Variants in PTPRA observed in about 807,000 individuals in gnomAD.
The protein encoded by PTPRA is receptor-type tyrosine-protein phosphatase alpha.
PTPRA carries 25 observed loss-of-function variants against 104.8 expected under a neutral mutation model. The ratio of observed to expected loss-of-function variants is 0.24; its 90% CI spans 0.17 to 0.33. The LOEUF (loss-of-function observed/expected upper bound fraction) is 0.33, where lower values mean the gene tolerates loss of function less well. PTPRA is among the 10% of genes least tolerant of loss of function. The pLI is 1.00. For synonymous variants in PTPRA, 323 were observed against 368.9 expected (o/e 0.88, Z 1.43); for missense variants, 765 against 1,015.3 (o/e 0.75, Z 3.35).
At chr20:2,904,334 T>C (rs1485158191) in intron 1 of PTPRA, among the ~76,000 whole-genome samples, 1 of 152,052 alleles carries the variant, frequency 6.6e-6, no homozygotes, top group Non-Finnish European at 1.5e-5. Context: ...GCAAGACTAA[T>C]TTGAAGAAAA....
chr20:2,902,351 A>C (rs528608192), intron 1 of PTPRA, among the ~76,000 whole-genome samples: 2 of 152,274 alleles, frequency 1.3e-5, no homozygotes, highest in African/African-American at 4.8e-5. Context: ...AATTATTCTG[A>C]AGCTTGCTTT....
At chr20:2,927,582 T>G (rs2060348049) in intron 2 of PTPRA, among the ~76,000 whole-genome samples, 2 of 152,214 alleles carry the variant, frequency 1.3e-5, no homozygotes, top group Admixed American at 1.3e-4. Context: ...CCGAGACCAG[T>G]GGGCACTGTT....
intron 1 of PTPRA, among the ~76,000 whole-genome samples, chr20:2,880,445 T>TG (rs1297712302): frequency 1.3e-5 from 2 of 152,176 alleles, no homozygotes; most frequent in Non-Finnish European, 2.9e-5. Flanking sequence ...CTCCATGTAT[T>TG]GCAACATGTT....
At chr20:3,000,858 A>G (rs1039544704) in intron 9 of PTPRA, among the ~76,000 whole-genome samples, 3 of 152,240 alleles carry the variant, frequency 2.0e-5, no homozygotes, top group African/African-American at 7.2e-5. Context: ...AAATAAAGGA[A>G]TGTAATGATA....
intron 9 of PTPRA, among the ~76,000 whole-genome samples, chr20:3,003,607 T>C (rs1004434596): frequency 2.0e-5 from 3 of 152,014 alleles, no homozygotes; most frequent in African/African-American, 7.3e-5. Flanking sequence ...TGCAGTGGTA[T>C]AATCATGGCC....
chr20:2,926,709 CT>C (rs1235128405), intron 2 of PTPRA, among the ~76,000 whole-genome samples: 16 of 149,600 alleles, frequency 1.1e-4, no homozygotes, highest in Admixed American at 2.7e-4. Flanking sequence ...CTTCAACCTC[CT>C]TTTTTTAGGT....
chr20:2,964,979 A>G lies in PTPRA; in HGVS notation c.192A>G (p.Thr64=), dbSNP rs753966505. The G allele has an allele frequency of 2.0e-5, 32 of 1,613,958 alleles. No homozygotes were observed. Among genetic ancestry groups the G allele is most frequent in the South Asian group, 3.3e-5 (3 of 91,088 alleles). Residue 64 remains threonine (T), a synonymous_variant, in exon 5 of 24, where the codon ACA becomes ACG. Coordinates refer to ENST00000399903, the MANE Select transcript of PTPRA (RefSeq NM_001385305.1). ...SSLTSLSVAP[T]FSPNITLGPT... ...TAACTTCTCTTTCTGTGGCACCAAC[A>G]TTCAGCCCAAATATAACTCTGGGAC... is the stretch of plus-strand genomic sequence containing the variant.
At chr20:2,956,094 T>C (rs2061526280) in intron 3 of PTPRA, among the ~76,000 whole-genome samples, 1 of 152,190 alleles carries the variant, frequency 6.6e-6, no homozygotes, top group South Asian at 2.1e-4. Context: ...AATCCTCTTC[T>C]CAGTCTCCTT....
Position 3,038,069 on chromosome 20 carries a change from A to G in PTPRA, c.2345A>G (p.Glu782Gly), listed in dbSNP as rs1190605985. ...CCTTTCACTCTCCAGGAACAGTATG[A>G]GTTCTGCTACAAGGTGGTGCAGGAG... The part of the protein sequence containing the change: ...PHMVQTLEQY[E>G]FCYKVVQEYI... Residue 782 changes from glutamate to glycine, a missense_variant, in exon 24 of 24, where the codon GAG (glutamate) becomes GGG (glycine). Around this residue, in one of 4 missense-constraint regions of PTPRA, gnomAD observed 72 missense variants for 140.7 expected, o/e 0.51. Transcript: ENST00000399903. 2 of 1,612,102 alleles carry G rather than the reference A, an allele frequency of 1.2e-6. No individual in the cohort carries two copies. The highest frequency in any genetic ancestry group is 2.2e-5 in the East Asian group (1 of 44,888).
intron 1 of PTPRA, among the ~76,000 whole-genome samples, chr20:2,901,136 A>C (rs1475027621): frequency 6.6e-6 from 1 of 151,712 alleles, no homozygotes; most frequent in Non-Finnish European, 1.5e-5. Flanking sequence ...ACACCTCGCT[A>C]ATTTTTGTAT....
chr20:2,886,773 T>C (rs2090410890), intron 1 of PTPRA, among the ~76,000 whole-genome samples: 1 of 151,430 alleles, frequency 6.6e-6, no homozygotes, highest in South Asian at 2.1e-4. Context: ...GGAGACTTGC[T>C]TTAACCTGGG....
chr20:3,019,700 C>T (rs1299435060), intron 13 of PTPRA, among the ~76,000 whole-genome samples: 4 of 152,192 alleles, frequency 2.6e-5, no homozygotes, highest in Admixed American at 2.6e-4. Flanking sequence ...GCAATCTCGG[C>T]GCTTTGGGAG....
intron 1 of PTPRA, among the ~76,000 whole-genome samples, chr20:2,910,920 CTT>C (rs11473733): frequency 3.8e-5 from 5 of 131,186 alleles, no homozygotes; most frequent in Admixed American, 1.6e-4. Context: ...TTTATTTTAA[CTT>C]TTTTTTTTTT....
At chr20:2,959,404 A>G (rs1043324695) in intron 3 of PTPRA, among the ~76,000 whole-genome samples, 4 of 152,162 alleles carry the variant, frequency 2.6e-5, no homozygotes, top group African/African-American at 7.2e-5. Context: ...GGGACAGTCA[A>G]CACTTCTTTG....
rs944217214 is a variant in PTPRA at position 2,923,405 on chromosome 20, AT to A, written c.-50+127del. 11 of 569,904 alleles carry A rather than the reference AT, an allele frequency of 1.9e-5. No individual in the cohort carries two copies. In the Admixed American group the frequency reaches 3.4e-4, roughly 17 times the overall value. The allele number at this position is 569,904 out of a possible 1,614,324, so 35.3% of individuals were successfully genotyped here. ...CGTTTCTAAGCTGTAAGAGTAGCTT[AT>A]TTTTTTATTATTATAAACATTGTAA... is the stretch of plus-strand genomic sequence containing the variant. On this transcript the variant is annotated intron_variant, in intron 2 of 23. Transcript: ENST00000399903.
intron 1 of PTPRA, among the ~76,000 whole-genome samples, chr20:2,900,131 G>A (rs1200473911): frequency 3.8e-5 from 4 of 104,772 alleles, no homozygotes; most frequent in South Asian, 4.2e-4. Context: ...AAAACAAAAC[G>A]AAAAATCTGC....
At chr20:3,011,353 CTG>C (rs1013308887) in intron 11 of PTPRA, among the ~76,000 whole-genome samples, 22 of 152,188 alleles carry the variant, frequency 1.4e-4, no homozygotes, top group African/African-American at 5.3e-4. Context: ...GTGCCAAGCA[CTG>C]TGGGTAGGCT....
intron 1 of PTPRA, among the ~76,000 whole-genome samples, chr20:2,887,345 G>A (rs1325075611): frequency 1.3e-5 from 2 of 152,214 alleles, no homozygotes; most frequent in African/African-American, 4.8e-5. Context: ...ATTGGTGGAT[G>A]TGCAGTAAAA....
intron 2 of PTPRA, among the ~76,000 whole-genome samples, chr20:2,946,779 C>T (rs2147740957): frequency 6.6e-6 from 1 of 151,634 alleles, no homozygotes; most frequent in East Asian, 1.9e-4. Flanking sequence ...ACCCGGGAGG[C>T]AGAGGTTGCA....
Sources: gnomAD v4.1 joint callset for allele counts (sites outside exome capture counted in the v4.1 genomes callset) on GRCh38, gnomAD v4.1.1 for gene constraint, gnomAD v4.1.1 regional missense constraint, MANE v1.5 for transcripts, NCBI Gene and HGNC (gene_info 2026-07-23, HGNC 2026-07-21) for gene names.